The following CD6 variants were observed in gnomAD, a reference collection of about 807,000 sequenced individuals.
CD6 encodes the protein T-cell differentiation antigen CD6.
Under a neutral mutation model 75.3 loss-of-function variants are expected in CD6, and 53 were observed. The observed-to-expected ratio is 0.70, with a 90% CI of 0.56 to 0.88. The LOEUF is 0.88. CD6 is among the 40% of genes least tolerant of loss of function. The pLI is 0.00. For synonymous variants in CD6, 359 were observed against 381.5 expected (o/e 0.94, Z 0.69); for missense variants, 770 against 897.1 (o/e 0.86, Z 1.81).
chr11:60,971,902 G>A lies in CD6; in HGVS notation c.37G>A (p.Ala13Thr). The change falls in exon 1 of 13, where the codon GCA (alanine) becomes ACA (threonine). Residue 13 changes from alanine (A) to threonine (T), a missense_variant. Coordinates refer to ENST00000313421, the MANE Select transcript of CD6 (RefSeq NM_006725.5). ...LFFGITGLLT[A>T]ALSGHPSPAP... ...CTTCGGGATCACTGGATTGCTGACG[G>A]CAGCCCTCTCAGGTAGGCCCCCTTC... 6.2e-7 allele frequency: 1 copy of A among 1,613,978 alleles called. No homozygotes were observed. The highest frequency in any genetic ancestry group is 8.5e-7 in the Non-Finnish European group (1 of 1,180,002).
In CD6 at chr11:61,017,461, C is replaced by A. The variant is rs775948742; in HGVS notation, c.1511-18C>A. 6.5e-7 allele frequency: 1 copy of A among 1,545,664 alleles called. No homozygotes were observed. The highest frequency in any genetic ancestry group is 8.7e-7 in the Non-Finnish European group (1 of 1,144,276). On this transcript the variant is annotated intron_variant, in intron 9 of 12. Coordinates refer to ENST00000313421, the MANE Select transcript of CD6 (RefSeq NM_006725.5). ...AGGTTGAGCCTTCACCCCTCCCCAC[C>A]ACCGCCTCTGCTTGCAGATTCCCAG...
chr11:60,988,584 A>G (rs1857919752), intron 1 of CD6, among the ~76,000 whole-genome samples: 1 of 152,160 alleles, frequency 6.6e-6, no homozygotes, highest in Admixed American at 6.5e-5. Context: ...TGACACCCCA[A>G]GGAGACTTTC....
intron 1 of CD6, among the ~76,000 whole-genome samples, chr11:60,983,045 C>G (rs1050126983): frequency 4.6e-5 from 7 of 152,074 alleles, no homozygotes; most frequent in Non-Finnish European, 1.0e-4. Flanking sequence ...TGCCCAGCCC[C>G]TCCAACGGCT....
At chr11:60,987,734 A>AC (rs1398757049) in intron 1 of CD6, among the ~76,000 whole-genome samples, 8 of 78,132 alleles carry the variant, frequency 1.0e-4, no homozygotes, top group Non-Finnish European at 1.9e-4. Flanking sequence ...TCGATTTCTT[A>AC]CCCCTGAGAA....
At chr11:61,003,408 A>T (rs568461457) in intron 1 of CD6, among the ~76,000 whole-genome samples, 2 of 152,274 alleles carry the variant, frequency 1.3e-5, no homozygotes, top group East Asian at 3.9e-4. Flanking sequence ...ACCAATTTAA[A>T]GAAAAGTGTG....
chr11:60,992,444 GTT>G (rs1253030323), intron 1 of CD6, among the ~76,000 whole-genome samples: 2 of 152,094 alleles, frequency 1.3e-5, no homozygotes, highest in Admixed American at 1.3e-4. Flanking sequence ...ACCCAGGCAT[GTT>G]TAATTTCAAT....
intron 2 of CD6, among the ~76,000 whole-genome samples, chr11:61,006,973 A>G (rs1858891401): frequency 6.6e-6 from 1 of 152,166 alleles, no homozygotes; most frequent in Non-Finnish European, 1.5e-5. Flanking sequence ...GACCTACTGT[A>G]TGCAAAGATG....
chr11:60,990,655 T>C (rs1858021913), intron 1 of CD6, among the ~76,000 whole-genome samples: 1 of 152,102 alleles, frequency 6.6e-6, no homozygotes, highest in East Asian at 1.9e-4. Flanking sequence ...ATAATTCTTA[T>C]CCTTTCCTCC....
In CD6 at chr11:61,019,380, C is replaced by T. The variant is rs1428141330; in HGVS notation, c.*62C>T. On this transcript the variant is annotated 3_prime_UTR_variant, in exon 13 of 13. Coordinates refer to ENST00000313421, the MANE Select transcript of CD6 (RefSeq NM_006725.5). ...CCTCTGGCCTCCTGCTCTACCTACT[C>T]CCTTTCCCCTTTCCCACCCTCCCAG... The T allele has an allele frequency of 7.2e-6, 9 of 1,257,640 alleles. No individual in the cohort carries two copies. In the East Asian group the frequency reaches 1.4e-4, roughly 20 times the overall value. 77.9% of individuals were successfully genotyped at this position (1,257,640 alleles called of 1,614,324 possible).
chr11:61,006,499 C>A, intron 1 of CD6, 75 bp from the exon 2 acceptor site: 1 of 1,260,034 alleles, frequency 7.9e-7, no homozygotes, highest in South Asian at 1.3e-5. Context: ...GAAGTGCCCC[C>A]TGCTCATCAG....
chr11:60,980,508 G>GA (rs57870162), intron 1 of CD6, among the ~76,000 whole-genome samples: 32 of 148,626 alleles, frequency 2.2e-4, no homozygotes, highest in East Asian at 2.0e-3. Flanking sequence ...TCTCAAAAAA[G>GA]AAAAAAAAAA....
chr11:61,017,299 T>A, intron 9 of CD6, 180 bp from the exon 10 acceptor site: 1 of 611,514 alleles, frequency 1.6e-6, no homozygotes, highest in Non-Finnish European at 2.9e-6. Context: ...AGGCGAAGGC[T>A]CTGCTGGATT....
intron 1 of CD6, among the ~76,000 whole-genome samples, chr11:60,991,559 A>C (rs1166574605): frequency 6.6e-6 from 1 of 152,118 alleles, no homozygotes; most frequent in Non-Finnish European, 1.5e-5. Context: ...ACACATATTC[A>C]TCTTTCACGT....
rs1484199258 is a variant in CD6 at position 61,009,605 on chromosome 11, A to G, written c.815A>G (p.Asp272Gly). 2 of 1,611,950 alleles carry G rather than the reference A, an allele frequency of 1.2e-6. No homozygotes were observed. The highest frequency in any genetic ancestry group is 1.7e-6 in the Non-Finnish European group (2 of 1,179,222). Reference sequence around the variant, plus strand: ...TCCTGGCGCCTGACAGGGGGCGCTGACCGCTGCGAGGGGCAGGTGGAGGTA... The same window carrying G: ...TCCTGGCGCCTGACAGGGGGCGCTGGCCGCTGCGAGGGGCAGGTGGAGGTA... ...HQSWRLTGGADRCEGQVEVHF... is the reference protein window; with the variant it reads ...HQSWRLTGGAGRCEGQVEVHF... The change falls in exon 5 of 13, where the codon GAC (aspartate) becomes GGC (glycine). Residue 272 changes from aspartate (D) to glycine (G), a missense_variant. Physicochemically the swap from Asp to Gly is moderately conservative, Grantham distance 94. Transcript: ENST00000313421.
chr11:61,017,097 C>G, intron 9 of CD6: 1 of 234,318 alleles, frequency 4.3e-6, no homozygotes, highest in South Asian at 6.8e-5. Context: ...TGCAGTGATT[C>G]CAGACCATCT....
chr11:61,015,351 G>A (rs114459350), intron 8 of CD6: 2,669 of 179,262 alleles, frequency 0.015, 86 homozygotes, highest in African/African-American at 0.058. Context: ...GGGATGGATC[G>A]CTTGAGCCCA....
Position 60,980,513 on chromosome 11 carries a change from A to T in CD6, c.49+8599A>T, listed in dbSNP as rs1240930810. On this transcript the variant is annotated intron_variant, in intron 1 of 12. Coordinates refer to ENST00000313421, the MANE Select transcript of CD6 (RefSeq NM_006725.5). Reference sequence around the variant, plus strand: ...CAAGACCTTGTCTCAAAAAAGAAAAAAAAAAGTATTTCAGAAAGAAGGACC... The same window carrying T: ...CAAGACCTTGTCTCAAAAAAGAAAATAAAAAGTATTTCAGAAAGAAGGACC... 3.3e-5 allele frequency among the ~76,000 whole-genome samples: 5 copies of T among 152,052 alleles called. No homozygotes were observed. In the South Asian group the frequency reaches 1.0e-3, roughly 32 times the overall value.
rs1049047577 is a variant in CD6, at chr11:61,020,279, C to T, written c.*961C>T. On this transcript the variant is annotated 3_prime_UTR_variant, in exon 13 of 13. Transcript: ENST00000313421. The stretch of plus-strand genomic sequence containing the variant: ...GTGGTGTTGCACCCGGGGCTGCAAA[C>T]GTCTCCGTGCAGCCCCCAGAGAGAG... 1.3e-5 allele frequency: 5 copies of T among 398,884 alleles called. No individual in the cohort carries two copies. The highest frequency in any genetic ancestry group is 8.2e-5 in the African/African-American group (4 of 48,618). The allele number at this position is 398,884 out of a possible 1,614,324, so 24.7% of individuals were successfully genotyped here.
At chr11:60,981,971 A>C (rs1392206377) in intron 1 of CD6, among the ~76,000 whole-genome samples, 2 of 151,078 alleles carry the variant, frequency 1.3e-5, no homozygotes, top group Admixed American at 1.3e-4. Flanking sequence ...GGCACACTCA[A>C]AAGTCCGGCC....
Sources: allele counts gnomAD v4.1 joint callset (sites outside exome capture counted in the v4.1 genomes callset), GRCh38; gene constraint gnomAD v4.1.1; transcripts MANE v1.5; gene names NCBI Gene and HGNC (gene_info 2026-07-23, HGNC 2026-07-21).